The following TMX1 variants were observed in gnomAD, a reference collection of about 807,000 sequenced individuals.
TMX1 encodes the protein thioredoxin related transmembrane protein 1.
TMX1 carries 25 observed loss-of-function variants against 36.6 expected under a neutral mutation model. The ratio of observed to expected loss-of-function variants is 0.68; its 90% CI spans 0.50 to 0.95. The LOEUF (loss-of-function observed/expected upper bound fraction) is 0.95, where lower values mean the gene tolerates loss of function less well. Among genes scored for constraint, TMX1 ranks in the 40% least tolerant of loss-of-function variants. The pLI is 0.00. For synonymous variants in TMX1, 133 were observed against 118.0 expected (o/e 1.13, Z -0.82); for missense variants, 347 against 339.6 (o/e 1.02, Z -0.17).
intron 3 of TMX1, 83 bp from the exon 4 acceptor site, chr14:51,247,009 T>C (rs1289064901): frequency 3.2e-6 from 4 of 1,258,070 alleles, no homozygotes; most frequent in African/African-American, 1.5e-5. Flanking sequence ...TAGAATTGAC[T>C]GTAAAGTGAA....
At position 51,256,789 on chromosome 14, in the gene TMX1, A is replaced by C. The variant is rs961735039; in HGVS notation, c.*2270A>C. The C allele has an allele frequency of 6.6e-6, 1 of 152,238 alleles. No homozygotes were observed. Among genetic ancestry groups the C allele is most frequent in the Non-Finnish European group, 1.5e-5 (1 of 68,046 alleles). 9.4% of individuals were successfully genotyped at this position (152,238 alleles called of 1,614,324 possible). On this transcript the variant is annotated 3_prime_UTR_variant, in exon 8 of 8. Transcript: ENST00000457354. Reference sequence around the variant, plus strand: ...TTAATTTAGTCCTAATGACAACTGCAAGACAGGTAAGCATTGCACATCTTT... The same window carrying C: ...TTAATTTAGTCCTAATGACAACTGCCAGACAGGTAAGCATTGCACATCTTT...
intron 7 of TMX1, among the ~76,000 whole-genome samples, chr14:51,250,327 G>A (rs758270856): frequency 1.3e-5 from 2 of 152,116 alleles, no homozygotes; most frequent in African/African-American, 2.4e-5. Context: ...CTGTTACCTC[G>A]TTTGCTCTTC....
At position 51,246,569 on chromosome 14, in the gene TMX1, G is replaced by C. The variant is rs186659852; in HGVS notation, c.315-523G>C. 3.4e-4 allele frequency among the ~76,000 whole-genome samples: 52 copies of C among 152,276 alleles called. 1 individual carries two copies. The highest frequency in any genetic ancestry group is 3.3e-3 in the Admixed American group (50 of 15,290). ...GGAAGGAGGAGGTGGATCTAAGGAAGGCTGCAAAGCTCACTAAATAGTCAC... is the reference window on the plus strand; with the variant it reads ...GGAAGGAGGAGGTGGATCTAAGGAACGCTGCAAAGCTCACTAAATAGTCAC... On this transcript the variant is annotated intron_variant, in intron 3 of 7. Transcript: ENST00000457354.
At position 51,249,341 on chromosome 14, in the gene TMX1, A is replaced by C. The variant is rs184982115; in HGVS notation, c.459A>C (p.Ser153=). ...TTATTTTTAGGATGAGTAGTATGTC[A>C]GCACTCTTTCAGCTATCTATGTGGA... ...GPGSVLMSSM[S]ALFQLSMWIR... Residue 153 remains serine, a synonymous_variant, in exon 5 of 8, where the codon TCA becomes TCC. Coordinates refer to ENST00000457354, the MANE Select transcript of TMX1 (RefSeq NM_030755.5). 8.0e-5 allele frequency: 129 copies of C among 1,606,990 alleles called. 1 individual carries two copies. In the East Asian group the frequency reaches 2.6e-3, roughly 32 times the overall value.
At chr14:51,251,324 A>T (rs1178911730) in intron 7 of TMX1, among the ~76,000 whole-genome samples, 1 of 152,168 alleles carries the variant, frequency 6.6e-6, no homozygotes, top group Non-Finnish European at 1.5e-5. Flanking sequence ...TAGGTGTATT[A>T]ATGTATTTCA....
chr14:51,245,515 G>A, intron 3 of TMX1, 157 bp downstream of exon 3: 1 of 1,517,264 alleles, frequency 6.6e-7, no homozygotes, highest in South Asian at 1.2e-5. Context: ...GTTATCCTAG[G>A]TGCCTTTAGG....
At chr14:51,248,977 G>T (rs2065798987) in intron 4 of TMX1, among the ~76,000 whole-genome samples, 1 of 152,154 alleles carries the variant, frequency 6.6e-6, no homozygotes, top group South Asian at 2.1e-4. Context: ...TTTTAAGGGT[G>T]AGTAAGAGTT....
chr14:51,248,958 T>C (rs1470915306), intron 4 of TMX1, among the ~76,000 whole-genome samples: 2 of 152,206 alleles, frequency 1.3e-5, no homozygotes, highest in Non-Finnish European at 2.9e-5. Flanking sequence ...TTGGTCTTGC[T>C]TTGAAGGCTT....
Position 51,240,375 on chromosome 14 carries a change from G to A in TMX1, c.83G>A (p.Arg28Gln), listed in dbSNP as rs1188770313. The change falls in exon 1 of 8, where the codon CGG becomes CAG. Residue 28 changes from arginine to glutamine, a missense_variant. Physicochemically the swap from Arg to Gln is conservative, Grantham distance 43. Coordinates refer to ENST00000457354, the MANE Select transcript of TMX1 (RefSeq NM_030755.5). ...GGTGCTCCCTGGACGCACGGGCGGC[G>A]GAGCAACGTTCGCGTCATCACGGAC... Reference protein sequence around the residue: ...LWGAPWTHGRRSNVRVITDEN... With the variant: ...LWGAPWTHGRQSNVRVITDEN... 27 of 1,613,928 alleles carry A rather than the reference G, an allele frequency of 1.7e-5. No homozygotes were observed. Among genetic ancestry groups the A allele is most frequent in the Non-Finnish European group, 2.1e-5 (25 of 1,180,024 alleles).
At chr14:51,245,867 T>C (rs752723569) in intron 3 of TMX1, 9 of 196,460 alleles carry the variant, frequency 4.6e-5, no homozygotes, top group African/African-American at 7.0e-5. Context: ...GGTAGAGTAA[T>C]AGGTGACAGT....
intron 4 of TMX1, among the ~76,000 whole-genome samples, chr14:51,247,428 C>G (rs2065791162): frequency 7.0e-6 from 1 of 142,240 alleles, no homozygotes; most frequent in Non-Finnish European, 1.5e-5. Flanking sequence ...GCAATCTCGG[C>G]TCACTGCAAG....
intron 4 of TMX1, among the ~76,000 whole-genome samples, chr14:51,248,448 A>T (rs925600946): frequency 2.0e-5 from 3 of 152,220 alleles, no homozygotes; most frequent in African/African-American, 7.2e-5. Context: ...TCAATTTTGG[A>T]TCCTACTGTT....
chr14:51,253,809 A>G (rs1218040345), intron 7 of TMX1: 1 of 152,310 alleles, frequency 6.6e-6, no homozygotes, highest in African/African-American at 2.4e-5. Context: ...GGACAGAAAT[A>G]CAACCTTCAA....
rs1475444520 is a variant in TMX1, at chr14:51,255,390, A to G, written c.*871A>G. The G allele has an allele frequency of 8.8e-6, 1 of 113,590 alleles. No homozygotes were observed. Among genetic ancestry groups the G allele is most frequent in the Non-Finnish European group, 2.1e-5 (1 of 48,662 alleles). The allele number at this position is 113,590 out of a possible 1,614,324, so 7.0% of individuals were successfully genotyped here. The stretch of plus-strand genomic sequence containing the variant: ...CATTCTTGCTGAACTTCAACTTGAA[A>G]TTGTTTTTTTTTTTTTTTCTTTTTG... On this transcript the variant is annotated 3_prime_UTR_variant, in exon 8 of 8. Transcript: ENST00000457354.
intron 2 of TMX1, chr14:51,244,173 G>A (rs533574234): frequency 6.3e-5 from 25 of 394,362 alleles, no homozygotes; most frequent in Non-Finnish European, 9.5e-5. Flanking sequence ...CCCTGGTTGT[G>A]TATACACCTC....
In TMX1 at chr14:51,256,714, G is replaced by A. The variant is rs963840546; in HGVS notation, c.*2195G>A. On this transcript the variant is annotated 3_prime_UTR_variant, in exon 8 of 8. Coordinates refer to ENST00000457354, the MANE Select transcript of TMX1 (RefSeq NM_030755.5). ...TGAAGAATTCTGGCTACATCTAACA[G>A]CTGCCATTTACCAAGTACCTACTGG... 1 of 152,132 alleles carries A rather than the reference G, an allele frequency of 6.6e-6. No individual in the cohort carries two copies. The highest frequency in any genetic ancestry group is 1.5e-5 in the Non-Finnish European group (1 of 68,032). The allele number at this position is 152,132 out of a possible 1,614,324, so 9.4% of individuals were successfully genotyped here. A position where few individuals can be genotyped will look rare whatever the true frequency, so the allele number is the denominator to read the frequency against.
At position 51,245,323 on chromosome 14, in the gene TMX1, A is replaced by G; in HGVS notation, c.279A>G (p.Gly93=). ...GTTCTTTATTTGTAGGACTGAGTGG[A>G]CGGTTTATCATAACTGCTCTTCCTA... ...VDVTEQPGLS[G]RFIITALPTI... Residue 93 remains glycine, a synonymous_variant, in exon 3 of 8, where the codon GGA becomes GGG. Transcript: ENST00000457354. 3.1e-6 allele frequency: 5 copies of G among 1,613,876 alleles called. No individual in the cohort carries two copies. The highest frequency in any genetic ancestry group is 4.2e-6 in the Non-Finnish European group (5 of 1,179,940).
chr14:51,244,079 A>G, intron 2 of TMX1, 108 bp downstream of exon 2: 1 of 901,134 alleles, frequency 1.1e-6, no homozygotes, highest in Non-Finnish European at 1.6e-6. Context: ...AGGTTTTGAA[A>G]ACCTAACAGT....
intron 1 of TMX1, 38 bp downstream of exon 1, chr14:51,240,482 G>A: frequency 2.5e-6 from 4 of 1,599,318 alleles, no homozygotes; most frequent in Non-Finnish European, 3.4e-6. Flanking sequence ...GTCCGTGCCT[G>A]GACACACGAC....
Sources: allele counts gnomAD v4.1 joint callset (sites outside exome capture counted in the v4.1 genomes callset), GRCh38; gene constraint gnomAD v4.1.1; transcripts MANE v1.5; gene names NCBI Gene and HGNC (gene_info 2026-07-23, HGNC 2026-07-21).